The following CCDC146 variants were observed in gnomAD, a reference collection of about 807,000 sequenced individuals.
CCDC146 encodes coiled-coil domain-containing protein 146.
Under a neutral mutation model 119.3 loss-of-function variants are expected in CCDC146, and 92 were observed. The ratio of observed to expected loss-of-function variants is 0.77; its 90% CI spans 0.65 to 0.92. The LOEUF (loss-of-function observed/expected upper bound fraction) is 0.92, where lower values mean the gene tolerates loss of function less well. Among genes scored for constraint, CCDC146 ranks in the 40% least tolerant of loss-of-function variants. CCDC146 has a pLI of 0.00. For missense variants in CCDC146, 1,000 were observed against 1,103.0 expected (o/e 0.91, Z 1.32); for synonymous variants, 372 against 371.8 (o/e 1.00, Z -0.01).
At chr7:77,189,991 G>T (rs1791734875) in intron 2 of CCDC146, among the ~76,000 whole-genome samples, 1 of 151,864 alleles carries the variant, frequency 6.6e-6, no homozygotes, top group Non-Finnish European at 1.5e-5. Flanking sequence ...CCATATATTT[G>T]TCTCTACTAC....
chr7:77,147,045 A>G (rs1397788552), intron 1 of CCDC146, among the ~76,000 whole-genome samples: 3 of 152,070 alleles, frequency 2.0e-5, no homozygotes, highest in Admixed American at 6.6e-5. Context: ...TTTAAGCTAC[A>G]CCAATCAGAT....
intron 2 of CCDC146, among the ~76,000 whole-genome samples, chr7:77,219,393 G>C (rs1792360742): frequency 6.6e-6 from 1 of 152,154 alleles, no homozygotes; most frequent in South Asian, 2.1e-4. Flanking sequence ...GAAGAACTGT[G>C]TCTCTAAATA....
intron 11 of CCDC146, among the ~76,000 whole-genome samples, chr7:77,275,648 A>C (rs542826172): frequency 6.6e-6 from 1 of 152,098 alleles, no homozygotes; most frequent in Admixed American, 6.6e-5. Flanking sequence ...GTCCCTCCCA[A>C]CTTCATCAAG....
intron 9 of CCDC146, among the ~76,000 whole-genome samples, chr7:77,269,118 C>T (rs1318127575): frequency 6.6e-6 from 1 of 152,120 alleles, no homozygotes; most frequent in African/African-American, 2.4e-5. Flanking sequence ...GATGTTGGAC[C>T]TTCTAAAACA....
At chr7:77,198,393 G>T in intron 2 of CCDC146, 3 of 867,212 alleles carry the variant, frequency 3.5e-6, no homozygotes, top group Non-Finnish European at 4.2e-6. Flanking sequence ...AGTGACTCAG[G>T]TGAAAAGCCA....
At chr7:77,280,050 C>T (rs1056113920) in intron 13 of CCDC146, among the ~76,000 whole-genome samples, 3 of 152,094 alleles carry the variant, frequency 2.0e-5, no homozygotes, top group African/African-American at 4.8e-5. Context: ...TTTATTGTGG[C>T]CACAGGCTGA....
At chr7:77,218,659 C>T (rs1010328266) in intron 2 of CCDC146, among the ~76,000 whole-genome samples, 9 of 150,106 alleles carry the variant, frequency 6.0e-5, no homozygotes, top group Non-Finnish European at 1.3e-4. Flanking sequence ...ACCCAGGTGG[C>T]ACAATCACAA....
chr7:77,210,120 CCA>C (rs1792155337), intron 2 of CCDC146, among the ~76,000 whole-genome samples: 1 of 152,210 alleles, frequency 6.6e-6, no homozygotes, highest in South Asian at 2.1e-4. Context: ...TTCTTTTCTA[CCA>C]CATAGTCAGC....
intron 2 of CCDC146, among the ~76,000 whole-genome samples, chr7:77,227,576 A>G (rs940131031): frequency 2.6e-5 from 4 of 152,234 alleles, no homozygotes; most frequent in Non-Finnish European, 5.9e-5. Context: ...AAGTGCTGGC[A>G]TTACAGGCGT....
intron 3 of CCDC146, 35 bp downstream of exon 3, chr7:77,237,064 C>T: frequency 1.3e-6 from 2 of 1,543,272 alleles, no homozygotes; most frequent in Non-Finnish European, 1.8e-6. Flanking sequence ...CATGATTAAT[C>T]ACCTTTAAAT....
intron 1 of CCDC146, among the ~76,000 whole-genome samples, chr7:77,139,135 A>T (rs1790898845): frequency 6.6e-6 from 1 of 152,256 alleles, no homozygotes; most frequent in African/African-American, 2.4e-5. Flanking sequence ...TGAATGAATA[A>T]ATAAACTTTG....
intron 2 of CCDC146, among the ~76,000 whole-genome samples, chr7:77,204,180 G>T (rs542002926): frequency 8.6e-5 from 13 of 152,040 alleles, no homozygotes; most frequent in African/African-American, 3.1e-4. Context: ...ACCTTTAATT[G>T]TTCTTTAAAG....
chr7:77,151,401 G>T (rs983109832), intron 1 of CCDC146, among the ~76,000 whole-genome samples: 2 of 152,060 alleles, frequency 1.3e-5, no homozygotes, highest in African/African-American at 4.8e-5. Context: ...AATGGGAGGG[G>T]ATAGGGTGAG....
chr7:77,250,171 T>C (rs1482719362), intron 4 of CCDC146, among the ~76,000 whole-genome samples: 3 of 152,278 alleles, frequency 2.0e-5, no homozygotes, highest in Non-Finnish European at 4.4e-5. Context: ...TATATATGCA[T>C]ATGTAATTGA....
intron 2 of CCDC146, among the ~76,000 whole-genome samples, chr7:77,188,907 G>A (rs978508674): frequency 6.6e-6 from 1 of 152,116 alleles, no homozygotes; most frequent in Non-Finnish European, 1.5e-5. Flanking sequence ...GTGGATGGGT[G>A]GGATGCAACT....
At chr7:77,125,746 G>A (rs1384888773) in intron 1 of CCDC146, among the ~76,000 whole-genome samples, 1 of 151,964 alleles carries the variant, frequency 6.6e-6, no homozygotes, top group Non-Finnish European at 1.5e-5. Context: ...AAAGCCATAA[G>A]AATTTAACTT....
chr7:77,135,039 T>G (rs1290225275), intron 1 of CCDC146, among the ~76,000 whole-genome samples: 1 of 152,244 alleles, frequency 6.6e-6, no homozygotes, highest in Non-Finnish European at 1.5e-5. Context: ...AAATATTTAT[T>G]CCTTGATTTA....
chr7:77,230,926 C>T (rs969968568), intron 2 of CCDC146, among the ~76,000 whole-genome samples: 4 of 152,020 alleles, frequency 2.6e-5, no homozygotes, highest in African/African-American at 7.2e-5. Flanking sequence ...ATACAGTAGT[C>T]CCCCCCACCA....
At chr7:77,214,273 T>A (rs955132022) in intron 2 of CCDC146, among the ~76,000 whole-genome samples, 1 of 152,212 alleles carries the variant, frequency 6.6e-6, no homozygotes, top group African/African-American at 2.4e-5. Flanking sequence ...TGTCTGTTCA[T>A]GTCCTTTGCC....
Sources: gnomAD v4.1 joint callset for allele counts (sites outside exome capture counted in the v4.1 genomes callset) on GRCh38, gnomAD v4.1.1 for gene constraint, MANE v1.5 for transcripts, NCBI Gene and HGNC (gene_info 2026-07-23, HGNC 2026-07-21) for gene names.